The following EPB41L4A variants were observed in gnomAD, a reference collection of about 807,000 sequenced individuals.
The protein encoded by EPB41L4A is erythrocyte membrane protein band 4.1 like 4A.
In EPB41L4A, 100 loss-of-function variants were observed where a neutral mutation model predicts 108.6. The observed-to-expected ratio is 0.92, with a 90% CI of 0.78 to 1.09. The LOEUF (loss-of-function observed/expected upper bound fraction) is 1.09, where lower values mean the gene tolerates loss of function less well. Among genes scored for constraint, EPB41L4A ranks in the 50% least tolerant of loss-of-function variants. The pLI, the probability that EPB41L4A is intolerant of heterozygous loss-of-function variation, is 0.00. For synonymous variants in EPB41L4A, 319 were observed against 289.0 expected (o/e 1.10, Z -1.05); for missense variants, 1,030 against 842.7 (o/e 1.22, Z -2.75).
upstream of EPB41L4A, chr5:112,419,584 C>A (rs1329440303): frequency 4.0e-5 from 18 of 453,270 alleles, no homozygotes; most frequent in East Asian, 1.1e-3. Context: ...AGCCCCGGGT[C>A]AGATCCGCCG....
intron 1 of EPB41L4A, among the ~76,000 whole-genome samples, chr5:112,313,372 A>C (rs1280888851): frequency 6.6e-6 from 1 of 152,122 alleles, no homozygotes; most frequent in Non-Finnish European, 1.5e-5. Context: ...CGGGTGGATC[A>C]TGAGGTCAGG....
intron 13 of EPB41L4A, 36 bp from the exon 14 acceptor site, chr5:112,205,540 AG>A (rs754249918): frequency 8.8e-6 from 13 of 1,481,474 alleles, no homozygotes; most frequent in Middle Eastern, 1.8e-4. Flanking sequence ...AAATAAATTA[AG>A]TAGAAAATAA....
chr5:112,166,205 G>T (rs1760233762), intron 22 of EPB41L4A, among the ~76,000 whole-genome samples: 2 of 152,234 alleles, frequency 1.3e-5, no homozygotes, highest in Admixed American at 1.3e-4. Flanking sequence ...GTGTAAGGCA[G>T]GTCACTGCCA....
At chr5:112,294,978 C>T (rs902592361) in intron 2 of EPB41L4A, among the ~76,000 whole-genome samples, 1 of 152,132 alleles carries the variant, frequency 6.6e-6, no homozygotes, top group South Asian at 2.1e-4. Context: ...GGGAGTAAGA[C>T]CAAAGACAGG....
chr5:112,167,677 G>A (rs1054970747), intron 22 of EPB41L4A, among the ~76,000 whole-genome samples: 1 of 152,252 alleles, frequency 6.6e-6, no homozygotes, highest in Non-Finnish European at 1.5e-5. Flanking sequence ...AGCTCCCTGT[G>A]CGGATCAGCT....
intron 1 of EPB41L4A, among the ~76,000 whole-genome samples, chr5:112,357,819 T>C (rs378791): frequency 0.62 from 94,187 of 152,050 alleles, 29,983 homozygotes; most frequent in South Asian, 0.77. Flanking sequence ...AAGAGCTATG[T>C]GGATGGACCA....
chr5:112,234,548 T>A, intron 12 of EPB41L4A, 86 bp downstream of exon 12: 2 of 1,292,214 alleles, frequency 1.5e-6, no homozygotes, highest in South Asian at 3.5e-5. Flanking sequence ...GACTGTAGAG[T>A]TATAGACATC....
chr5:112,402,934 C>G (rs13354699), intron 1 of EPB41L4A, among the ~76,000 whole-genome samples: 3,460 of 152,182 alleles, frequency 0.023, 134 homozygotes, highest in African/African-American at 0.069. Context: ...TATGTTTACT[C>G]TTAAACACAA....
chr5:112,247,907 T>A (rs539024324), intron 9 of EPB41L4A, among the ~76,000 whole-genome samples: 2 of 152,296 alleles, frequency 1.3e-5, no homozygotes, highest in East Asian at 3.9e-4. Flanking sequence ...AATACTTTTT[T>A]AAAAAAACTA....
At chr5:112,333,234 CA>C (rs1355614742) in intron 1 of EPB41L4A, among the ~76,000 whole-genome samples, 1 of 151,886 alleles carries the variant, frequency 6.6e-6, no homozygotes, top group Non-Finnish European at 1.5e-5. Context: ...TTTCTTGGGG[CA>C]AGCTCCTAAT....
At chr5:112,253,124 T>C (rs906266216) in intron 9 of EPB41L4A, among the ~76,000 whole-genome samples, 6 of 152,026 alleles carry the variant, frequency 3.9e-5, no homozygotes, top group African/African-American at 7.2e-5. Flanking sequence ...ATTTAAAGTA[T>C]CTCCCCACAG....
At chr5:112,254,691 A>G (rs948687145) in intron 9 of EPB41L4A, among the ~76,000 whole-genome samples, 5 of 151,724 alleles carry the variant, frequency 3.3e-5, no homozygotes, top group Non-Finnish European at 7.4e-5. Context: ...TGGAAACCCA[A>G]TCCTCACTCC....
At chr5:112,335,735 A>C (rs983714122) in intron 1 of EPB41L4A, among the ~76,000 whole-genome samples, 6 of 152,212 alleles carry the variant, frequency 3.9e-5, no homozygotes, top group African/African-American at 1.4e-4. Context: ...GAATTTTAAG[A>C]TGCAAACTTA....
chr5:112,230,029 AG>A (rs1748768087), intron 12 of EPB41L4A, among the ~76,000 whole-genome samples: 1 of 151,542 alleles, frequency 6.6e-6, no homozygotes, highest in Non-Finnish European at 1.5e-5. Context: ...AACCTGATCC[AG>A]GTTGCCACGA....
chr5:112,343,584 C>G (rs1757458110), intron 1 of EPB41L4A, among the ~76,000 whole-genome samples: 1 of 151,960 alleles, frequency 6.6e-6, no homozygotes, highest in African/African-American at 2.4e-5. Flanking sequence ...CTGTCTTCAC[C>G]ATCATCATTA....
At chr5:112,301,254 C>G (rs1754337130) in intron 2 of EPB41L4A, among the ~76,000 whole-genome samples, 1 of 152,138 alleles carries the variant, frequency 6.6e-6, no homozygotes, top group Non-Finnish European at 1.5e-5. Context: ...AATTGTTTTT[C>G]TGGTTCCTTC....
chr5:112,147,055 A>C (rs1442781070), intron 12 of EPB41L4A, among the ~76,000 whole-genome samples: 1 of 152,234 alleles, frequency 6.6e-6, no homozygotes, highest in Non-Finnish European at 1.5e-5. Flanking sequence ...GTAATCCTGT[A>C]ATGTGTAAAG....
At chr5:112,144,683 A>G (rs548308777) in intron 13 of EPB41L4A, among the ~76,000 whole-genome samples, 1 of 152,346 alleles carries the variant, frequency 6.6e-6, no homozygotes, top group East Asian at 1.9e-4. Context: ...TTGTAGAGAT[A>G]GAAGAAAACC....
chr5:112,343,532 CTGT>C (rs1264464529), intron 1 of EPB41L4A, among the ~76,000 whole-genome samples: 2 of 152,100 alleles, frequency 1.3e-5, no homozygotes, highest in Non-Finnish European at 2.9e-5. Context: ...TTTAGCTATG[CTGT>C]TGTTGGTGTT....
Sources: gnomAD v4.1 joint callset for allele counts (sites outside exome capture counted in the v4.1 genomes callset) on GRCh38, gnomAD v4.1.1 for gene constraint, MANE v1.5 for transcripts, NCBI Gene and HGNC (gene_info 2026-07-23, HGNC 2026-07-21) for gene names.